Variants in CFAP46 observed in about 807,000 individuals in gnomAD.
The protein encoded by CFAP46 is cilia- and flagella-associated protein 46.
In CFAP46, 245 loss-of-function variants were observed where a neutral mutation model predicts 325.7. That is an observed-to-expected ratio of 0.75 (90% CI 0.68 to 0.84). The LOEUF (loss-of-function observed/expected upper bound fraction) is 0.84, where lower values mean the gene tolerates loss of function less well. CFAP46 is among the 40% of genes least tolerant of loss of function. CFAP46 has a pLI of 0.00. For missense variants in CFAP46, 3,346 were observed against 3,543.0 expected, an observed-to-expected ratio of 0.94 and a Z score of 1.41; for synonymous variants, 1,523 against 1,495.9, an observed-to-expected ratio of 1.02 and a Z score of -0.42.
rs1848975784 is a variant in CFAP46, at chr10:132,877,719, C to T, written c.4212+162G>A. Reference sequence around the variant, plus strand: ...TGCACTGAGGCCACCTGGGGCTCCTCCGAGAACCCTGACAGGCAGGGAAAC... The same window carrying T: ...TGCACTGAGGCCACCTGGGGCTCCTTCGAGAACCCTGACAGGCAGGGAAAC... On this transcript the variant is annotated intron_variant, in intron 30 of 57. Transcript: ENST00000368586. The surrounding 1 kb of genome is among the most constrained non-coding windows in gnomAD (Gnocchi z 5.7). 6.6e-6 allele frequency among the ~76,000 whole-genome samples: 1 copy of T among 151,526 alleles called. No homozygotes were observed. Among genetic ancestry groups the T allele is most frequent in the South Asian group, 2.1e-4 (1 of 4,786 alleles).
intron 44 of CFAP46, among the ~76,000 whole-genome samples, chr10:132,845,785 G>T (rs530397563): frequency 1.1e-4 from 17 of 152,148 alleles, no homozygotes; most frequent in Non-Finnish European, 2.2e-4. Context: ...GTCAGCTCTT[G>T]GCTGCAGGCC....
chr10:132,925,937 C>A (rs1219384615), intron 10 of CFAP46, among the ~76,000 whole-genome samples: 1 of 152,266 alleles, frequency 6.6e-6, no homozygotes, highest in Non-Finnish European at 1.5e-5. Flanking sequence ...TCCCAGCCGA[C>A]CCTGTGGCAC....
At position 132,836,834 on chromosome 10, in the gene CFAP46, C is replaced by A; in HGVS notation, c.6519G>T (p.Leu2173=). The A allele has an allele frequency of 6.2e-7, 1 of 1,613,600 alleles. No homozygotes were observed. The highest frequency in any genetic ancestry group is 8.5e-7 in the Non-Finnish European group (1 of 1,179,856). The change falls in exon 45 of 58, where the codon CTG becomes CTT. Residue 2173 remains leucine (L), a synonymous_variant. Coordinates refer to ENST00000368586, the MANE Select transcript of CFAP46 (RefSeq NM_001200049.3). ...EMPPTFWILF[L]HLSGDRSRLY... Reference sequence around the variant, plus strand: ...GGCTTTACCTGTCCCCTGAGAGGTGCAGAAAGAGGATCCAAAAGGTCGGAG... The same window carrying A: ...GGCTTTACCTGTCCCCTGAGAGGTGAAGAAAGAGGATCCAAAAGGTCGGAG...
chr10:132,863,396 G>A (rs1470529693), intron 35 of CFAP46, among the ~76,000 whole-genome samples: 9 of 152,246 alleles, frequency 5.9e-5, no homozygotes, highest in African/African-American at 2.2e-4. Flanking sequence ...AAAGAATGCT[G>A]CACCCATGTA....
At position 132,869,246 on chromosome 10, in the gene CFAP46, A is replaced by C; in HGVS notation, c.4610+28T>G. ...GCACCAAGGGCGAGACTCAAACCCC[A>C]GGCGGCGCAGGGTGGGACGGCACAC... On this transcript the variant is annotated intron_variant, in intron 33 of 57. Coordinates refer to ENST00000368586, the MANE Select transcript of CFAP46 (RefSeq NM_001200049.3). The surrounding 1 kb of genome is among the most constrained non-coding windows in gnomAD (Gnocchi z 6.2). The C allele has an allele frequency of 6.7e-7, 1 of 1,493,972 alleles. No homozygotes were observed. Among genetic ancestry groups the C allele is most frequent in the Non-Finnish European group, 9.0e-7 (1 of 1,114,346 alleles). 92.5% of individuals were successfully genotyped at this position (1,493,972 alleles called of 1,614,324 possible). A position where few individuals can be genotyped will look rare whatever the true frequency, so the allele number is the denominator to read the frequency against.
At chr10:132,850,582 A>C in intron 40 of CFAP46, 150 bp from the exon 41 acceptor site, 9 of 733,892 alleles carry the variant, frequency 1.2e-5, no homozygotes, top group Non-Finnish European at 1.9e-5. Flanking sequence ...GAGGGTCTCC[A>C]GGGCTCTGGT....
chr10:132,888,594 GCACCCCTGCCACCTT>G (rs1849207985), intron 25 of CFAP46, among the ~76,000 whole-genome samples: 1 of 12,584 alleles, frequency 7.9e-5, no homozygotes, highest in African/African-American at 4.7e-4. Flanking sequence ...CCTGCCGCCT[GCACCCCTGCCACCTT>G]CACCCCTGCC....
At chr10:132,825,063 T>A (rs1848016397) in intron 50 of CFAP46, among the ~76,000 whole-genome samples, 1 of 146,456 alleles carries the variant, frequency 6.8e-6, no homozygotes, top group Admixed American at 6.8e-5. Flanking sequence ...TGTGCGCTGA[T>A]GTGTGCTGTG....
chr10:132,925,653 C>T (rs1849798896), intron 10 of CFAP46, among the ~76,000 whole-genome samples: 1 of 152,286 alleles, frequency 6.6e-6, no homozygotes, highest in South Asian at 2.1e-4. Context: ...GTGGCACCAG[C>T]GCACAGCAGC....
Position 132,832,445 on chromosome 10 carries a change from G to A in CFAP46, c.7117+913C>T, listed in dbSNP as rs970247824. 6.7e-5 allele frequency among the ~76,000 whole-genome samples: 10 copies of A among 149,898 alleles called. No individual in the cohort carries two copies. The highest frequency in any genetic ancestry group is 2.1e-4 in the South Asian group (1 of 4,672). On this transcript the variant is annotated intron_variant, in intron 50 of 57. Transcript: ENST00000368586. The surrounding 1 kb of genome is among the most constrained non-coding windows in gnomAD (Gnocchi z 4.1). ...TCCCCAGAGAGTAAGACCTGGGTGGGCCATGGCGCTCGCCAGCCAAACCCC... is the reference window on the plus strand; with the variant it reads ...TCCCCAGAGAGTAAGACCTGGGTGGACCATGGCGCTCGCCAGCCAAACCCC...
intron 16 of CFAP46, among the ~76,000 whole-genome samples, chr10:132,917,560 T>C (rs1308529109): frequency 6.6e-6 from 1 of 152,170 alleles, no homozygotes; most frequent in Non-Finnish European, 1.5e-5. Context: ...AATGCCGAGG[T>C]ACCATCTCCC....
At position 132,832,745 on chromosome 10, in the gene CFAP46, C is replaced by A. The variant is rs566030106; in HGVS notation, c.7117+613G>T. Reference sequence around the variant, plus strand: ...AGCACTCAGTCACAGAATGTCATCACCCCCGAATCCCAGCCGAGGTCAGGG... The same window carrying A: ...AGCACTCAGTCACAGAATGTCATCAACCCCGAATCCCAGCCGAGGTCAGGG... On this transcript the variant is annotated intron_variant, in intron 50 of 57. Transcript: ENST00000368586. This position sits in a 1 kb window ranked among gnomAD's most constrained non-coding sequence, Gnocchi z 4.1. 2 of 471,254 alleles carry A rather than the reference C, an allele frequency of 4.2e-6. No homozygotes were observed. The highest frequency in any genetic ancestry group is 6.9e-5 in the East Asian group (1 of 14,396). The allele number at this position is 471,254 out of a possible 1,614,324, so 29.2% of individuals were successfully genotyped here. A position where few individuals can be genotyped will look rare whatever the true frequency, so the allele number is the denominator to read the frequency against.
At chr10:132,932,982 C>T (rs1261916813) in intron 8 of CFAP46, among the ~76,000 whole-genome samples, 1 of 152,266 alleles carries the variant, frequency 6.6e-6, no homozygotes, top group Non-Finnish European at 1.5e-5. Flanking sequence ...CACAGTGTCT[C>T]CAGACATTGC....
In CFAP46 at chr10:132,839,991, A is replaced by C. The variant is rs147294323; in HGVS notation, c.6439-3077T>G. On this transcript the variant is annotated intron_variant, in intron 44 of 57. Coordinates refer to ENST00000368586, the MANE Select transcript of CFAP46 (RefSeq NM_001200049.3). ...AGTGTCAACGTTCATCTGGCCTCTT[A>C]GTAAAAGAGGAAGTTGTTTGCTTTA... Among the ~76,000 whole-genome samples the C allele has an allele frequency of 7.7e-3, 1,167 of 152,332 alleles. 10 individuals are homozygous for C. The highest frequency in any genetic ancestry group is 0.032 in the South Asian group (155 of 4,828).
chr10:132,935,615 C>T (rs1342096819), intron 7 of CFAP46, among the ~76,000 whole-genome samples: 25 of 121,884 alleles, frequency 2.1e-4, no homozygotes, highest in South Asian at 8.4e-4. Flanking sequence ...TCGCTCCCCT[C>T]GGCACCCAAA....
At position 132,909,100 on chromosome 10, in the gene CFAP46, TGGCCCCTGGCCTCCCGGGAC is replaced by T; in HGVS notation, c.2757+17_2757+36del. 6.8e-7 allele frequency: 1 copy of T among 1,480,828 alleles called. No individual in the cohort carries two copies. Among genetic ancestry groups the T allele is most frequent in the South Asian group, 1.2e-5 (1 of 82,754 alleles). The allele number at this position is 1,480,828 out of a possible 1,614,324, so 91.7% of individuals were successfully genotyped here. A position where few individuals can be genotyped will look rare whatever the true frequency, so the allele number is the denominator to read the frequency against. On this transcript the variant is annotated intron_variant, in intron 21 of 57. Transcript: ENST00000368586. ...CAAGAGCCTCGGCGTCCTCGCCTCT[TGGCCCCTGGCCTCCCGGGAC>T]CCCTGGGGACACCTACCTGGGCCAG...
At position 132,827,467 on chromosome 10, in the gene CFAP46, C is replaced by T. The variant is rs529899860; in HGVS notation, c.7117+5891G>A. ...GCCCTTCTGCAAACTTCCGTGACAC[C>T]GATGCAAATTTGCTCTTTCTGTATT... is the stretch of plus-strand genomic sequence containing the variant. On this transcript the variant is annotated intron_variant, in intron 50 of 57. Coordinates refer to ENST00000368586, the MANE Select transcript of CFAP46 (RefSeq NM_001200049.3). The surrounding 1 kb of genome is among the most constrained non-coding windows in gnomAD (Gnocchi z 5.7). Among the ~76,000 whole-genome samples, 20 of 152,066 alleles carry T rather than the reference C, an allele frequency of 1.3e-4. 1 individual carries two copies. The South Asian group carries it at 3.1e-3, about 24-fold the overall frequency.
rs1848097799 is a variant in CFAP46 at position 132,828,569 on chromosome 10, A to G, written c.7117+4789T>C. Among the ~76,000 whole-genome samples the G allele has an allele frequency of 6.6e-6, 1 of 151,966 alleles. No homozygotes were observed. Among genetic ancestry groups the G allele is most frequent in the South Asian group, 2.1e-4 (1 of 4,822 alleles). ...TATTATTCAGTTTTGAGAGTTCTTT[A>G]TATAGTCTAAATTTGTTACTGTTAT... is the stretch of plus-strand genomic sequence containing the variant. On this transcript the variant is annotated intron_variant, in intron 50 of 57. Transcript: ENST00000368586. This position sits in a 1 kb window ranked among gnomAD's most constrained non-coding sequence, Gnocchi z 4.9.
At chr10:132,850,223 G>C in intron 41 of CFAP46, 21 bp downstream of exon 41, 1 of 1,549,848 alleles carries the variant, frequency 6.5e-7, no homozygotes, top group South Asian at 1.2e-5. Flanking sequence ...CCAGACTTGG[G>C]ATAGAAGCAG....
Sources: gnomAD v4.1 joint callset for allele counts (sites outside exome capture counted in the v4.1 genomes callset) on GRCh38, gnomAD v4.1.1 for gene constraint, Gnocchi (gnomAD v3.1) non-coding constraint, MANE v1.5 for transcripts, NCBI Gene and HGNC (gene_info 2026-07-23, HGNC 2026-07-21) for gene names.